The following FAT3 variants were observed in gnomAD, a reference collection of about 807,000 sequenced individuals.
The protein encoded by FAT3 is protocadherin Fat 3.
In FAT3, 95 loss-of-function variants were observed where a neutral mutation model predicts 310.2. That is an observed-to-expected ratio of 0.31 (90% CI 0.26 to 0.36). The LOEUF (loss-of-function observed/expected upper bound fraction) is 0.36. Among genes scored for constraint, FAT3 ranks in the 10% least tolerant of loss-of-function variants. The pLI is 1.00. For missense variants in FAT3, 5,408 were observed against 5,715.6 expected (o/e 0.95, Z 1.74); for synonymous variants, 2,314 against 2,192.9 (o/e 1.06, Z -1.54).
intron 4 of FAT3, among the ~76,000 whole-genome samples, chr11:92,698,031 GCA>G (rs1456922048): frequency 3.3e-5 from 5 of 151,940 alleles, no homozygotes; most frequent in African/African-American, 7.3e-5. Context: ...GAGCTTTGCA[GCA>G]CATTCTTTCT....
chr11:92,785,461 T>C (rs1449043865), intron 7 of FAT3, among the ~76,000 whole-genome samples: 4 of 152,066 alleles, frequency 2.6e-5, no homozygotes, highest in Admixed American at 2.0e-4. Flanking sequence ...TGTAATATAA[T>C]TATATATCTG....
chr11:92,300,209 C>T lies in FAT3; in HGVS notation c.-17-51887C>T, dbSNP rs369783482. 9.9e-5 allele frequency among the ~76,000 whole-genome samples: 15 copies of T among 152,206 alleles called. 1 individual carries two copies. Among genetic ancestry groups the T allele is most frequent in the African/African-American group, 3.4e-4 (14 of 41,546 alleles). ...TGTCATGCACTTACATGTCATTATT[C>T]GTTGGCTCATTATATTTCCTGTGCT... is the stretch of plus-strand genomic sequence containing the variant. On this transcript the variant is annotated intron_variant, in intron 1 of 27. Transcript: ENST00000525166.
At chr11:92,325,125 T>C (rs1191772169) in intron 1 of FAT3, among the ~76,000 whole-genome samples, 4 of 152,222 alleles carry the variant, frequency 2.6e-5, no homozygotes, top group Non-Finnish European at 5.9e-5. Context: ...GTGAGACTCA[T>C]ACAGCATGTG....
rs1949264151 is a variant in FAT3, at chr11:92,866,973, C to A, written c.11891C>A (p.Ala3964Glu). ...ATCTACTTCGGCGCCCTGGTGCAAG[C>A]GGATAACATCCGCAGCCTGACTGAC... ...SSIYFGALVQADNIRSLTDTR... is the reference protein window; with the variant it reads ...SSIYFGALVQEDNIRSLTDTR... Residue 3964 changes from alanine (A) to glutamate (E), a missense_variant, in exon 22 of 28, where the codon GCG (alanine) becomes GAG (glutamate). Ala to Glu is a moderately radical substitution (Grantham distance 107). This residue lies in a region of FAT3 where 4,588 missense variants were observed against 4,809.8 expected (regional missense o/e 0.95). Transcript: ENST00000525166. 1 of 1,612,470 alleles carries A rather than the reference C, an allele frequency of 6.2e-7. No individual in the cohort carries two copies. The highest frequency in any genetic ancestry group is 8.5e-7 in the Non-Finnish European group (1 of 1,179,396).
intron 1 of FAT3, among the ~76,000 whole-genome samples, chr11:92,287,072 G>A (rs1946578104): frequency 2.0e-5 from 3 of 152,130 alleles, no homozygotes; most frequent in Admixed American, 2.0e-4. Context: ...CTTTAGCAGG[G>A]AAACTAAAAT....
At chr11:92,265,176 T>A (rs1160305588) in intron 1 of FAT3, among the ~76,000 whole-genome samples, 1 of 151,976 alleles carries the variant, frequency 6.6e-6, no homozygotes, top group Non-Finnish European at 1.5e-5. Flanking sequence ...AGTTCACTTA[T>A]TTTTTAGTGA....
intron 1 of FAT3, among the ~76,000 whole-genome samples, chr11:92,309,411 C>T (rs993322459): frequency 2.9e-5 from 4 of 140,138 alleles, no homozygotes; most frequent in Non-Finnish European, 6.2e-5. Context: ...CACACACACA[C>T]ACACACACTT....
Position 92,352,308 on chromosome 11 carries a change from A to G in FAT3, c.196A>G (p.Ser66Gly), listed in dbSNP as rs1214236745. 6.6e-7 allele frequency: 1 copy of G among 1,524,628 alleles called. No homozygotes were observed. The highest frequency in any genetic ancestry group is 1.1e-5 in the South Asian group (1 of 89,504). 94.4% of individuals were successfully genotyped at this position (1,524,628 alleles called of 1,614,324 possible). The change falls in exon 2 of 28, where the codon AGT becomes GGT. Residue 66 changes from serine to glycine, a missense_variant. Physicochemically the swap from Ser to Gly is moderately conservative, Grantham distance 56. Coordinates refer to ENST00000525166, the MANE Select transcript of FAT3 (RefSeq NM_001367949.2). Reference sequence around the variant, plus strand: ...AGCAAGGACCTACGTCAACAGCCAGAGTAGAATGGGCATCACCTTAATAGA... The same window carrying G: ...AGCAAGGACCTACGTCAACAGCCAGGGTAGAATGGGCATCACCTTAATAGA... ...SAARTYVNSQ[S>G]RMGITLIDLS...
chr11:92,470,769 G>A (rs1287488853), intron 2 of FAT3, among the ~76,000 whole-genome samples: 1 of 152,048 alleles, frequency 6.6e-6, no homozygotes, highest in Non-Finnish European at 1.5e-5. Context: ...TTGTAATCTG[G>A]TACTTTTCAA....
At chr11:92,474,027 A>G (rs1951980063) in intron 2 of FAT3, among the ~76,000 whole-genome samples, 1 of 152,194 alleles carries the variant, frequency 6.6e-6, no homozygotes, top group East Asian at 1.9e-4. Flanking sequence ...AGGTAATGTC[A>G]AATCCAACTG....
intron 13 of FAT3, among the ~76,000 whole-genome samples, chr11:92,818,904 A>G (rs1192434507): frequency 6.6e-6 from 1 of 152,206 alleles, no homozygotes; most frequent in Non-Finnish European, 1.5e-5. Context: ...CTTCTCTACT[A>G]GTCTTGGACC....
Position 92,783,147 on chromosome 11 carries a change from C to T in FAT3, c.4336-6796C>T, listed in dbSNP as rs140630747. 5.4e-3 allele frequency among the ~76,000 whole-genome samples: 815 copies of T among 151,304 alleles called. 5 individuals are homozygous for T. The highest frequency in any genetic ancestry group is 0.024 in the Middle Eastern group (7 of 290). On this transcript the variant is annotated intron_variant, in intron 7 of 27. Transcript: ENST00000525166. Reference sequence around the variant, plus strand: ...GGCCAAGGTGGGGAGATCACGAGGTCAGGAGTTCGAGACCAGCCTGGCCAA... The same window carrying T: ...GGCCAAGGTGGGGAGATCACGAGGTTAGGAGTTCGAGACCAGCCTGGCCAA...
At chr11:92,404,249 A>G (rs1374284246) in intron 2 of FAT3, among the ~76,000 whole-genome samples, 1 of 152,132 alleles carries the variant, frequency 6.6e-6, no homozygotes, top group Admixed American at 6.5e-5. Context: ...TCCTGCTTCC[A>G]AGGAGCTTTA....
chr11:92,740,970 C>T (rs1300147703), intron 4 of FAT3, among the ~76,000 whole-genome samples: 3 of 152,120 alleles, frequency 2.0e-5, no homozygotes, highest in Non-Finnish European at 1.5e-5. Flanking sequence ...ATTTCCTTTA[C>T]TTATCCTGCC....
intron 2 of FAT3, among the ~76,000 whole-genome samples, chr11:92,462,450 G>T (rs1282561049): frequency 6.6e-6 from 1 of 152,006 alleles, no homozygotes; most frequent in African/African-American, 2.4e-5. Context: ...GCGTTAATTT[G>T]CTTAGGATAA....
intron 6 of FAT3, among the ~76,000 whole-genome samples, chr11:92,769,309 A>G (rs972115039): frequency 1.3e-5 from 2 of 152,252 alleles, no homozygotes; most frequent in Non-Finnish European, 1.5e-5. Context: ...TAAACAGCCC[A>G]ACGCACAGCA....
intron 1 of FAT3, among the ~76,000 whole-genome samples, chr11:92,340,111 C>CAACAA (rs1948207583): frequency 2.0e-5 from 1 of 49,152 alleles, no homozygotes; most frequent in South Asian, 8.4e-4. Context: ...GACTCCATCT[C>CAACAA]AAAAAAAAAA....
At chr11:92,490,805 T>C (rs189103587) in intron 2 of FAT3, among the ~76,000 whole-genome samples, 1 of 152,254 alleles carries the variant, frequency 6.6e-6, no homozygotes, top group Admixed American at 6.5e-5. Context: ...CCCAGTCTTC[T>C]GGAGGAAAGG....
chr11:92,717,800 G>T (rs776106299), intron 4 of FAT3, among the ~76,000 whole-genome samples: 1 of 151,986 alleles, frequency 6.6e-6, no homozygotes, highest in Non-Finnish European at 1.5e-5. Flanking sequence ...GGCTCATTGG[G>T]ACCACAACCC....
Sources: allele counts gnomAD v4.1 joint callset (sites outside exome capture counted in the v4.1 genomes callset), GRCh38; gene constraint gnomAD v4.1.1; regional missense constraint gnomAD v4.1.1; transcripts MANE v1.5; gene names NCBI Gene and HGNC (gene_info 2026-07-23, HGNC 2026-07-21).